SLC28A1: variants seen among roughly 807,000 people sequenced by gnomAD.
SLC28A1 encodes the protein solute carrier family 28 member 1.
In SLC28A1, 64 loss-of-function variants were observed where a neutral mutation model predicts 74.8. The ratio of observed to expected loss-of-function variants is 0.86; its 90% CI spans 0.70 to 1.05. SLC28A1 has a LOEUF of 1.05. Among genes scored for constraint, SLC28A1 ranks in the 50% least tolerant of loss-of-function variants. SLC28A1 has a pLI of 0.00. For synonymous variants in SLC28A1, 359 were observed against 335.0 expected (o/e 1.07, Z -0.78); for missense variants, 828 against 822.8 (o/e 1.01, Z -0.08).
intron 11 of SLC28A1, among the ~76,000 whole-genome samples, chr15:84,922,556 A>G (rs1034400589): frequency 2.0e-5 from 3 of 152,030 alleles, no homozygotes; most frequent in African/African-American, 4.8e-5. Flanking sequence ...TCACCTGGAC[A>G]CTGCCGTCTC....
At chr15:84,968,637 A>G in the SLC28A1 span, among the ~76,000 whole-genome samples, 1 of 152,220 alleles carries the variant, frequency 6.6e-6, no homozygotes, top group African/African-American at 2.4e-5. Flanking sequence ...ATGGGAGGCA[A>G]GGCTACCAGG....
At chr15:84,942,099 T>C (rs1411805121) in intron 15 of SLC28A1, among the ~76,000 whole-genome samples, 1 of 152,152 alleles carries the variant, frequency 6.6e-6, no homozygotes, top group Non-Finnish European at 1.5e-5. Context: ...AATTAATTTT[T>C]ATATAGTGTG....
rs566620118 is a variant in SLC28A1 at position 84,920,847 on chromosome 15, A to G, written c.877-142A>G. 9.0e-4 allele frequency: 658 copies of G among 730,956 alleles called. 1 individual carries two copies. The highest frequency in any genetic ancestry group is 1.3e-3 in the Admixed American group (68 of 52,246). 45.3% of individuals were successfully genotyped at this position (730,956 alleles called of 1,614,324 possible). A position where few individuals can be genotyped will look rare whatever the true frequency, so the allele number is the denominator to read the frequency against. On this transcript the variant is annotated intron_variant, in intron 10 of 18. Transcript: ENST00000394573. ...AGGTGTGGAAGAAGAAGATGAATGG[A>G]CCTTTTGGGAAAATGTAGATGAAGG...
the SLC28A1 span, among the ~76,000 whole-genome samples, chr15:84,960,817 C>T: frequency 6.6e-6 from 1 of 152,142 alleles, no homozygotes; most frequent in African/African-American, 2.4e-5. Context: ...TGTTGCTGCT[C>T]TCACTCTCTT....
intron 13 of SLC28A1, among the ~76,000 whole-genome samples, chr15:84,933,848 G>A (rs1358034933): frequency 2.0e-5 from 3 of 152,176 alleles, no homozygotes; most frequent in Non-Finnish European, 4.4e-5. Context: ...AAAGGCTCAC[G>A]CCTGTAATTC....
At chr15:84,908,978 C>T (rs1335917116) in intron 9 of SLC28A1, among the ~76,000 whole-genome samples, 183 bp downstream of exon 9, 1 of 152,106 alleles carries the variant, frequency 6.6e-6, no homozygotes, top group African/African-American at 2.4e-5. Flanking sequence ...CAATGTTCAC[C>T]TCATGAGATG....
chr15:84,910,597 G>T (rs770248230), intron 9 of SLC28A1, among the ~76,000 whole-genome samples: 7 of 152,106 alleles, frequency 4.6e-5, no homozygotes, highest in Admixed American at 3.3e-4. Flanking sequence ...GTGTGGTGGT[G>T]CATGCCTGTA....
At chr15:84,911,558 T>A (rs1482847940) in intron 9 of SLC28A1, among the ~76,000 whole-genome samples, 1 of 151,470 alleles carries the variant, frequency 6.6e-6, no homozygotes, top group African/African-American at 2.4e-5. Context: ...ACAAAAATGA[T>A]CATTTAAAAA....
At chr15:84,886,122 C>T (rs574822786) in intron 1 of SLC28A1, 731 of 985,006 alleles carry the variant, frequency 7.4e-4, no homozygotes, top group Non-Finnish European at 8.4e-4. Flanking sequence ...CTTTGCACAC[C>T]GTTGGCTTAG....
chr15:84,927,824 A>G (rs4980344), intron 12 of SLC28A1, among the ~76,000 whole-genome samples: 2 of 151,912 alleles, frequency 1.3e-5, no homozygotes, highest in African/African-American at 4.8e-5. Flanking sequence ...GTTTTGTTTT[A>G]AGAGTCCCAG....
rs1474180045 is a variant in SLC28A1, at chr15:84,924,031, T to G, written c.1004T>G (p.Leu335Arg). The change falls in exon 12 of 19, where the codon CTC becomes CGC. Residue 335 changes from leucine (L) to arginine (R), a missense_variant. This residue lies in a region of SLC28A1 where 767 missense variants were observed against 753.5 expected (regional missense o/e 1.02). Coordinates refer to ENST00000394573, the MANE Select transcript of SLC28A1 (RefSeq NM_004213.5). ...LIRPYLADMTLSEVHVVMTGG... is the reference protein window; with the variant it reads ...LIRPYLADMTRSEVHVVMTGG... ...CGGCCCTACTTGGCAGACATGACAC[T>G]CTCTGAAGTCCACGTTGTCATGACC... The G allele has an allele frequency of 3.1e-6, 5 of 1,613,938 alleles. No individual in the cohort carries two copies. The Admixed American group carries it at 8.3e-5, about 27-fold the overall frequency.
rs1038243930 is a variant in SLC28A1, at chr15:84,906,555, T to G, written c.717+903T>G. ...TTCTTTCTTTCTTTCTTTCTTTCTT[T>G]CTTTCTTTCTCTTTCTTTCTTCCTT... On this transcript the variant is annotated intron_variant, in intron 8 of 18. Coordinates refer to ENST00000394573, the MANE Select transcript of SLC28A1 (RefSeq NM_004213.5). 1.1e-3 allele frequency among the ~76,000 whole-genome samples: 106 copies of G among 94,318 alleles called. 2 individuals are homozygous for G. The highest frequency in any genetic ancestry group is 4.0e-3 in the African/African-American group (96 of 24,292). 61.9% of individuals were successfully genotyped at this position (94,318 alleles called of 152,430 possible). A position where few individuals can be genotyped will look rare whatever the true frequency, so the allele number is the denominator to read the frequency against.
intron 15 of SLC28A1, among the ~76,000 whole-genome samples, chr15:84,940,094 C>A (rs1267924788): frequency 6.6e-6 from 1 of 152,174 alleles, no homozygotes; most frequent in Non-Finnish European, 1.5e-5. Context: ...TCCTAAATTG[C>A]TGGGATTACA....
chr15:84,919,847 A>G (rs1969588809), intron 10 of SLC28A1, among the ~76,000 whole-genome samples: 1 of 152,182 alleles, frequency 6.6e-6, no homozygotes, highest in South Asian at 2.1e-4. Context: ...TATTCAAACC[A>G]TAGCAGTTAT....
At chr15:84,937,669 A>G (rs1303250301) in intron 15 of SLC28A1, among the ~76,000 whole-genome samples, 1 of 152,108 alleles carries the variant, frequency 6.6e-6, no homozygotes, top group Non-Finnish European at 1.5e-5. Flanking sequence ...TGGGAGGCTG[A>G]GGTGGGTGGA....
At chr15:84,974,092 G>A in the SLC28A1 span, among the ~76,000 whole-genome samples, 1 of 152,192 alleles carries the variant, frequency 6.6e-6, no homozygotes, top group Non-Finnish European at 1.5e-5. Context: ...AGGGAGAAAA[G>A]GAGGGTCACT....
chr15:84,925,699 A>G (rs546611313), intron 12 of SLC28A1, among the ~76,000 whole-genome samples: 6 of 152,308 alleles, frequency 3.9e-5, no homozygotes, highest in Admixed American at 1.3e-4. Context: ...CCACTGACCT[A>G]AAATGTCATT....
intron 12 of SLC28A1, among the ~76,000 whole-genome samples, chr15:84,930,281 A>T (rs11073818): frequency 0.38 from 57,310 of 152,096 alleles, 11,546 homozygotes; most frequent in Middle Eastern, 0.56. Flanking sequence ...TGAGCAACTG[A>T]GGAGGAAGCA....
At chr15:84,960,249 T>TGAGACAAGGTCTTGCTC in the SLC28A1 span, among the ~76,000 whole-genome samples, 1 of 26,442 alleles carries the variant, frequency 3.8e-5, no homozygotes, top group African/African-American at 6.2e-5. Context: ...TTTTTTTTTT[T>TGAGACAAGGTCTTGCTC]TTTTTTTTTT....
Sources: allele counts gnomAD v4.1 joint callset (sites outside exome capture counted in the v4.1 genomes callset), GRCh38; gene constraint gnomAD v4.1.1; regional missense constraint gnomAD v4.1.1; transcripts MANE v1.5; gene names NCBI Gene and HGNC (gene_info 2026-07-23, HGNC 2026-07-21).